The following FOXI2 variants were observed in gnomAD, a reference collection of about 807,000 sequenced individuals.
FOXI2 encodes the protein forkhead box protein I2.
Under a neutral mutation model 14.3 loss-of-function variants are expected in FOXI2, and 17 were observed. The observed-to-expected ratio is 1.19, with a 90% confidence interval of 0.81 to 1.78. The LOEUF is 1.78. FOXI2 is among the 40% of genes most tolerant of loss of function. The pLI is 0.00. For synonymous variants in FOXI2, 240 were observed against 218.8 expected, an observed-to-expected ratio of 1.10 and a Z score of -0.85; for missense variants, 541 against 460.0, an observed-to-expected ratio of 1.18 and a Z score of -1.61.
In FOXI2 at chr10:127,738,644, G is replaced by T; in HGVS notation, c.636G>T (p.Val212=). ...SAAVRSGARS[V]GGAEAPALEP... ...CCGTGCGCTCGGGAGCCAGGAGCGT[G>T]GGAGGGGCCGAGGCGCCAGCGCTGG... Residue 212 remains valine (V), a synonymous_variant, in exon 2 of 2, where the codon GTG becomes GTT. Coordinates refer to ENST00000388920, the MANE Select transcript of FOXI2 (RefSeq NM_207426.3). 6.3e-7 allele frequency: 1 copy of T among 1,599,808 alleles called. No homozygotes were observed. The highest frequency in any genetic ancestry group is 8.5e-7 in the Non-Finnish European group (1 of 1,173,068).
In FOXI2 at chr10:127,739,963, ACT is replaced by A. The variant is rs1846489424; in HGVS notation, c.*1000_*1001del. The A allele has an allele frequency of 2.6e-4, 3 of 11,640 alleles. No homozygotes were observed. The highest frequency in any genetic ancestry group is 6.3e-3 in the South Asian group (2 of 316). 0.7% of individuals were successfully genotyped at this position (11,640 alleles called of 1,614,324 possible). ...CACACTCACACCCACACACACCCAC[ACT>A]CATACTCACACTCACACCCACACTC... On this transcript the variant is annotated 3_prime_UTR_variant, in exon 2 of 2. Coordinates refer to ENST00000388920, the MANE Select transcript of FOXI2 (RefSeq NM_207426.3).
At position 127,739,875 on chromosome 10, in the gene FOXI2, TCACACCCACACCCACACCCACACTCACA is replaced by T. The variant is rs1846481509; in HGVS notation, c.*916_*943del. 1 of 70,160 alleles carries T rather than the reference TCACACCCACACCCACACCCACACTCACA, an allele frequency of 1.4e-5. No individual in the cohort carries two copies. The allele number at this position is 70,160 out of a possible 1,614,324, so 4.3% of individuals were successfully genotyped here. A position where few individuals can be genotyped will look rare whatever the true frequency, so the allele number is the denominator to read the frequency against. On this transcript the variant is annotated 3_prime_UTR_variant, in exon 2 of 2. Coordinates refer to ENST00000388920, the MANE Select transcript of FOXI2 (RefSeq NM_207426.3). ...CTCACACCCACACTCACACCCACAC[TCACACCCACACCCACACCCACACTCACA>T]CACACTCACACCCACACCCACACTC...
In FOXI2 at chr10:127,739,617, G is replaced by A. The variant is rs889588077; in HGVS notation, c.*652G>A. 1 of 152,496 alleles carries A rather than the reference G, an allele frequency of 6.6e-6. No individual in the cohort carries two copies. Among genetic ancestry groups the A allele is most frequent in the African/African-American group, 2.4e-5 (1 of 41,398 alleles). 9.4% of individuals were successfully genotyped at this position (152,496 alleles called of 1,614,324 possible). A position where few individuals can be genotyped will look rare whatever the true frequency, so the allele number is the denominator to read the frequency against. On this transcript the variant is annotated 3_prime_UTR_variant, in exon 2 of 2. Transcript: ENST00000388920. ...GGGAGAAGCACTGCGTGGGCAGAAAGCGCCCTTGGGATACCAGCTCCCTTC... is the reference window on the plus strand; with the variant it reads ...GGGAGAAGCACTGCGTGGGCAGAAAACGCCCTTGGGATACCAGCTCCCTTC...
In FOXI2 at chr10:127,739,985, A is replaced by C. The variant is rs1375900807; in HGVS notation, c.*1020A>C. On this transcript the variant is annotated 3_prime_UTR_variant, in exon 2 of 2. Transcript: ENST00000388920. ...CACACTCATACTCACACTCACACCC[A>C]CACTCACACCACACCCACACTCACA... The C allele has an allele frequency of 1.9e-4, 17 of 89,648 alleles. No homozygotes were observed. Among genetic ancestry groups the C allele is most frequent in the African/African-American group, 7.1e-4 (16 of 22,694 alleles). 5.6% of individuals were successfully genotyped at this position (89,648 alleles called of 1,614,324 possible). A position where few individuals can be genotyped will look rare whatever the true frequency, so the allele number is the denominator to read the frequency against.
In FOXI2 at chr10:127,739,809, T is replaced by TCACACCCACACTCACACC. The variant is rs1564748993; in HGVS notation, c.*855_*856insTCACACCCACACCCACAC. The TCACACCCACACTCACACC allele has an allele frequency of 3.8e-5, 2 of 52,362 alleles. No individual in the cohort carries two copies. Among genetic ancestry groups the TCACACCCACACTCACACC allele is most frequent in the African/African-American group, 1.6e-4 (2 of 12,244 alleles). 3.2% of individuals were successfully genotyped at this position (52,362 alleles called of 1,614,324 possible). A position where few individuals can be genotyped will look rare whatever the true frequency, so the allele number is the denominator to read the frequency against. On this transcript the variant is annotated 3_prime_UTR_variant, in exon 2 of 2. Transcript: ENST00000388920. ...CTCACACCCACACTCACACCCACAC[T>TCACACCCACACTCACACC]CACACCCACACCCACACCCACACCC...
In FOXI2 at chr10:127,739,967, ATACT is replaced by A. The variant is rs1564749318; in HGVS notation, c.*1003_*1006del. ...CTCACACCCACACACACCCACACTC[ATACT>A]CACACTCACACCCACACTCACACCA... On this transcript the variant is annotated 3_prime_UTR_variant, in exon 2 of 2. Coordinates refer to ENST00000388920, the MANE Select transcript of FOXI2 (RefSeq NM_207426.3). 8.2e-5 allele frequency: 1 copy of A among 12,220 alleles called. No homozygotes were observed. The highest frequency in any genetic ancestry group is 6.6e-4 in the Non-Finnish European group (1 of 1,514). The allele number at this position is 12,220 out of a possible 1,614,324, so 0.8% of individuals were successfully genotyped here.
In FOXI2 at chr10:127,739,859, A is replaced by T. The variant is rs1432484029; in HGVS notation, c.*894A>T. ...CACACTCACACTCACACTCACACCC[A>T]CACTCACACCCACACTCACACCCAC... On this transcript the variant is annotated 3_prime_UTR_variant, in exon 2 of 2. Coordinates refer to ENST00000388920, the MANE Select transcript of FOXI2 (RefSeq NM_207426.3). The T allele has an allele frequency of 2.2e-5, 2 of 90,034 alleles. No homozygotes were observed. Among genetic ancestry groups the T allele is most frequent in the Non-Finnish European group, 4.4e-5 (2 of 45,524 alleles). 5.6% of individuals were successfully genotyped at this position (90,034 alleles called of 1,614,324 possible).
rs1319343265 is a variant in FOXI2 at position 127,737,908 on chromosome 10, G to GGGAGGAGGGAGA, written c.511+125_511+136dup. ...CTCCCTGCGCGGTTGGGGATACCCG[G>GGGAGGAGGGAGA]GGAGGAGGGAGAAGGGGAAGAAGTG... On this transcript the variant is annotated intron_variant, in intron 1 of 1. Coordinates refer to ENST00000388920, the MANE Select transcript of FOXI2 (RefSeq NM_207426.3). The GGGAGGAGGGAGA allele has an allele frequency of 3.5e-6, 5 of 1,421,626 alleles. No individual in the cohort carries two copies. In the African/African-American group the frequency reaches 7.2e-5, roughly 21 times the overall value. The allele number at this position is 1,421,626 out of a possible 1,614,324, so 88.1% of individuals were successfully genotyped here. A position where few individuals can be genotyped will look rare whatever the true frequency, so the allele number is the denominator to read the frequency against.
intron 1 of FOXI2, 21 bp downstream of exon 1, chr10:127,737,805 C>G (rs1322452104): frequency 6.3e-7 from 1 of 1,597,336 alleles, no homozygotes; most frequent in African/African-American, 1.3e-5. Flanking sequence ...CGCGCCGGCT[C>G]GCTCCGTCCA....
chr10:127,737,407 C>A lies in FOXI2; in HGVS notation c.134C>A (p.Ala45Glu). 7.2e-7 allele frequency: 1 copy of A among 1,385,124 alleles called. No homozygotes were observed. The highest frequency in any genetic ancestry group is 9.2e-7 in the Non-Finnish European group (1 of 1,083,194). The allele number at this position is 1,385,124 out of a possible 1,614,324, so 85.8% of individuals were successfully genotyped here. Residue 45 changes from alanine (A) to glutamate (E), a missense_variant, in exon 1 of 2, where the codon GCG becomes GAG. Coordinates refer to ENST00000388920, the MANE Select transcript of FOXI2 (RefSeq NM_207426.3). ...VGGGPLLWVN[A>E]PALSPKSYAS... ...GGGGGCCCCCTCCTGTGGGTGAACG[C>A]GCCAGCGCTCAGCCCCAAGTCCTAC...
In FOXI2 at chr10:127,739,899, TCACACA is replaced by T. The variant is rs1228525237; in HGVS notation, c.*938_*943del. The stretch of plus-strand genomic sequence containing the variant: ...CTCACACCCACACCCACACCCACAC[TCACACA>T]CACTCACACCCACACCCACACTCAC... On this transcript the variant is annotated 3_prime_UTR_variant, in exon 2 of 2. Transcript: ENST00000388920. 2 of 13,098 alleles carry T rather than the reference TCACACA, an allele frequency of 1.5e-4. No homozygotes were observed. The highest frequency in any genetic ancestry group is 1.4e-3 in the Admixed American group (1 of 740). The allele number at this position is 13,098 out of a possible 1,614,324, so 0.8% of individuals were successfully genotyped here.
In FOXI2 at chr10:127,738,762, A is replaced by G. The variant is rs1452855846; in HGVS notation, c.754A>G (p.Met252Val). The G allele has an allele frequency of 6.2e-7, 1 of 1,605,732 alleles. No homozygotes were observed. The highest frequency in any genetic ancestry group is 1.1e-5 in the South Asian group (1 of 89,734). Residue 252 changes from methionine (M) to valine (V), a missense_variant, in exon 2 of 2, where the codon ATG (methionine) becomes GTG (valine). Transcript: ENST00000388920. ...ATCFSGFASAMSALAGGLGTF... is the reference protein window; with the variant it reads ...ATCFSGFASAVSALAGGLGTF... ...CTGCTTCTCCGGTTTCGCTTCTGCT[A>G]TGAGCGCTCTGGCTGGCGGCCTTGG... is the stretch of plus-strand genomic sequence containing the variant.
Position 127,738,734 on chromosome 10 carries a change from C to A in FOXI2, c.726C>A (p.Ala242=). Residue 242 remains alanine, a synonymous_variant, in exon 2 of 2, where the codon GCC becomes GCA. Coordinates refer to ENST00000388920, the MANE Select transcript of FOXI2 (RefSeq NM_207426.3). The stretch of plus-strand genomic sequence containing the variant: ...CCTCTCCATCCGCACCCGAGGCCGC[C>A]ACCTGCTTCTCCGGTTTCGCTTCTG... ...ASPSPSAPEA[A]TCFSGFASAM... 6.2e-7 allele frequency: 1 copy of A among 1,601,138 alleles called. No individual in the cohort carries two copies. Among genetic ancestry groups the A allele is most frequent in the African/African-American group, 1.3e-5 (1 of 74,672 alleles).
Position 127,739,937 on chromosome 10 carries a change from A to ACCCACACCCACACC in FOXI2, c.*973_*974insCCACACCCACACCC, listed in dbSNP as rs1168296192. The ACCCACACCCACACC allele has an allele frequency of 1.9e-5, 1 of 53,310 alleles. No individual in the cohort carries two copies. The highest frequency in any genetic ancestry group is 5.7e-4 in the East Asian group (1 of 1,762). The allele number at this position is 53,310 out of a possible 1,614,324, so 3.3% of individuals were successfully genotyped here. A position where few individuals can be genotyped will look rare whatever the true frequency, so the allele number is the denominator to read the frequency against. ...CACCCACACCCACACTCACACCCAC[A>ACCCACACCCACACC]CACACTCACACCCACACACACCCAC... On this transcript the variant is annotated 3_prime_UTR_variant, in exon 2 of 2. Coordinates refer to ENST00000388920, the MANE Select transcript of FOXI2 (RefSeq NM_207426.3).
rs763603317 is a variant in FOXI2, at chr10:127,737,795, C to T, written c.511+11C>T. 14 of 1,601,260 alleles carry T rather than the reference C, an allele frequency of 8.7e-6. No homozygotes were observed. In the Admixed American group the frequency reaches 2.4e-4, roughly 28 times the overall value. On this transcript the variant is annotated intron_variant, in intron 1 of 1. Coordinates refer to ENST00000388920, the MANE Select transcript of FOXI2 (RefSeq NM_207426.3). ...ACGAGGACGACCCAGGTAACAGCGG[C>T]GCGCCGGCTCGCTCCGTCCAGGACT...
At chr10:127,737,848 C>T in intron 1 of FOXI2, 64 bp downstream of exon 1, 2 of 1,561,652 alleles carry the variant, frequency 1.3e-6, no homozygotes, top group Non-Finnish European at 1.7e-6. Flanking sequence ...GCCGCGGGCA[C>T]TCCGGGGGTG....
chr10:127,740,113 C>CTCACACCCACACCCACACT lies in FOXI2; in HGVS notation c.*1148_*1149insTCACACCCACACCCACACT, dbSNP rs71032599. ...ACTCACACTCACACCCACACTCACA[C>CTCACACCCACACCCACACT]CACACTCACACCCACACACACCCAC... On this transcript the variant is annotated 3_prime_UTR_variant, in exon 2 of 2. Transcript: ENST00000388920. 2.4e-5 allele frequency: 1 copy of CTCACACCCACACCCACACT among 41,542 alleles called. No homozygotes were observed. The highest frequency in any genetic ancestry group is 5.7e-5 in the Non-Finnish European group (1 of 17,398). 2.6% of individuals were successfully genotyped at this position (41,542 alleles called of 1,614,324 possible).
chr10:127,738,425 G>C, intron 1 of FOXI2, 95 bp from the exon 2 acceptor site: 1 of 970,544 alleles, frequency 1.0e-6, no homozygotes, highest in Admixed American at 2.4e-5. Flanking sequence ...GTAAGGGCCA[G>C]CAGGGGATCT....
chr10:127,738,131 G>A (rs949225679), intron 1 of FOXI2, among the ~76,000 whole-genome samples: 76 of 152,302 alleles, frequency 5.0e-4, no homozygotes, highest in Middle Eastern at 3.4e-3. Context: ...GGAAGACAGC[G>A]CCTACCCCAA....
Sources: gnomAD v4.1 joint callset for allele counts (sites outside exome capture counted in the v4.1 genomes callset) on GRCh38, gnomAD v4.1.1 for gene constraint, MANE v1.5 for transcripts, NCBI Gene and HGNC (gene_info 2026-07-23, HGNC 2026-07-21) for gene names.